Variants in TFEC observed in about 807,000 individuals in gnomAD.
The protein encoded by TFEC is class E basic helix-loop-helix protein 34.
Under a neutral mutation model 41.6 loss-of-function variants are expected in TFEC, and 31 were observed. That is an observed-to-expected ratio of 0.74 (90% CI 0.56 to 1.01). TFEC has a LOEUF of 1.01. Among genes scored for constraint, TFEC ranks in the 50% least tolerant of loss-of-function variants. The pLI is 0.00. For missense variants in TFEC, 402 were observed against 404.1 expected (o/e 0.99, Z 0.04); for synonymous variants, 143 against 140.6 (o/e 1.02, Z -0.12).
At chr7:116,020,193 TGA>T (rs773927110) in intron 1 of TFEC, among the ~76,000 whole-genome samples, 1 of 152,198 alleles carries the variant, frequency 6.6e-6, no homozygotes, top group Non-Finnish European at 1.5e-5. Flanking sequence ...TACTCACTAC[TGA>T]GTCTTTGTTC....
chr7:115,998,976 C>T (rs1419725584), intron 1 of TFEC, among the ~76,000 whole-genome samples: 1 of 151,884 alleles, frequency 6.6e-6, no homozygotes, highest in Non-Finnish European at 1.5e-5. Context: ...AACTATAAAC[C>T]AAATAAACCT....
At chr7:116,134,100 A>C (rs1219720292) in intron 1 of TFEC, among the ~76,000 whole-genome samples, 1 of 152,220 alleles carries the variant, frequency 6.6e-6, no homozygotes. Context: ...CATGCTAAGG[A>C]TGTCAACTTA....
rs533078304 is a variant in TFEC at position 116,006,345 on chromosome 7, G to A, written c.-72-21832C>T. ...GGCTACATTCTGCAAAGCAACAGGG[G>A]TGGAGCTGCCCAAGACCATGAGAAT... On this transcript the variant is annotated intron_variant, in intron 1 of 7. Coordinates refer to ENST00000265440, the MANE Select transcript of TFEC (RefSeq NM_012252.4). Among the ~76,000 whole-genome samples, 3 of 152,336 alleles carry A rather than the reference G, an allele frequency of 2.0e-5. No homozygotes were observed. The South Asian group carries it at 6.2e-4, about 32-fold the overall frequency.
chr7:115,962,612 G>A (rs953702093), intron 3 of TFEC, among the ~76,000 whole-genome samples: 1 of 151,716 alleles, frequency 6.6e-6, no homozygotes. Flanking sequence ...TTCAACAAAT[G>A]GTGTTGGAAA....
intron 3 of TFEC, among the ~76,000 whole-genome samples, chr7:116,082,621 T>G (rs1797116272): frequency 6.6e-6 from 1 of 152,006 alleles, no homozygotes; most frequent in African/African-American, 2.4e-5. Context: ...ATTTGTAGAC[T>G]CATTGATTTA....
At chr7:115,991,571 C>T (rs1048319905) in intron 1 of TFEC, among the ~76,000 whole-genome samples, 2 of 152,106 alleles carry the variant, frequency 1.3e-5, no homozygotes, top group Non-Finnish European at 2.9e-5. Flanking sequence ...GGAGGGGTTG[C>T]AATCCTAGTC....
chr7:116,030,307 C>T (rs1795746104), intron 1 of TFEC, among the ~76,000 whole-genome samples: 1 of 151,876 alleles, frequency 6.6e-6, no homozygotes, highest in Admixed American at 6.6e-5. Flanking sequence ...ATATAAGAGG[C>T]AACAAAATGT....
chr7:116,023,878 C>T (rs1165365122), intron 1 of TFEC, among the ~76,000 whole-genome samples: 1 of 152,100 alleles, frequency 6.6e-6, no homozygotes, highest in Non-Finnish European at 1.5e-5. Flanking sequence ...GACTTTTCGC[C>T]TCTCTGACCA....
upstream of TFEC, among the ~76,000 whole-genome samples, chr7:116,032,205 A>T (rs1795800845): frequency 6.6e-6 from 1 of 152,152 alleles, no homozygotes; most frequent in Non-Finnish European, 1.5e-5. Context: ...TTATTTCTTA[A>T]TGGTGGCATA....
intron 1 of TFEC, among the ~76,000 whole-genome samples, chr7:115,988,980 C>A (rs1334515245): frequency 6.6e-6 from 1 of 152,060 alleles, no homozygotes; most frequent in Non-Finnish European, 1.5e-5. Flanking sequence ...GGAAAAAACC[C>A]ACCAACCTAG....
At chr7:116,065,516 T>G (rs1320168241) in intron 3 of TFEC, among the ~76,000 whole-genome samples, 1 of 152,278 alleles carries the variant, frequency 6.6e-6, no homozygotes, top group Middle Eastern at 3.4e-3. Context: ...AGGTGATTTC[T>G]GGTCCTTTGA....
chr7:116,040,246 T>C (rs1796004164), intron 3 of TFEC, among the ~76,000 whole-genome samples: 3 of 152,174 alleles, frequency 2.0e-5, no homozygotes, highest in Admixed American at 2.0e-4. Context: ...ATGATTGCAT[T>C]GGAAGGAATA....
rs1470630664 is a variant in TFEC at position 115,952,655 on chromosome 7, A to C, written c.440-1706T>G. 2.0e-5 allele frequency among the ~76,000 whole-genome samples: 3 copies of C among 152,124 alleles called. No individual in the cohort carries two copies. The East Asian group carries it at 5.8e-4, about 29-fold the overall frequency. Reference sequence around the variant, plus strand: ...TTTAAATGGCTAATTAGAATGAGAAATCTGGCTCCCAATGGTGTTCATACC... The same window carrying C: ...TTTAAATGGCTAATTAGAATGAGAACTCTGGCTCCCAATGGTGTTCATACC... On this transcript the variant is annotated intron_variant, in intron 5 of 7. Coordinates refer to ENST00000265440, the MANE Select transcript of TFEC (RefSeq NM_012252.4).
At chr7:116,035,413 A>ATGAAC (rs1795886742), upstream of TFEC, among the ~76,000 whole-genome samples, 1 of 152,078 alleles carries the variant, frequency 6.6e-6, no homozygotes, top group Non-Finnish European at 1.5e-5. Flanking sequence ...GTGTATGTGT[A>ATGAAC]TGAACTGAGG....
intron 6 of TFEC, among the ~76,000 whole-genome samples, chr7:115,946,472 G>A: frequency 6.7e-6 from 1 of 150,004 alleles, no homozygotes; most frequent in Non-Finnish European, 1.5e-5. Context: ...CTGGAATGCA[G>A]TGGTGCGATC....
chr7:116,014,768 AG>A (rs1446723609), intron 1 of TFEC, among the ~76,000 whole-genome samples: 1 of 152,106 alleles, frequency 6.6e-6, no homozygotes, highest in African/African-American at 2.4e-5. Context: ...TATAATCTCA[AG>A]GGTTCTTATA....
chr7:115,967,807 T>A (rs1212938943), intron 3 of TFEC, among the ~76,000 whole-genome samples: 1 of 151,822 alleles, frequency 6.6e-6, no homozygotes. Context: ...CAAAGAATGA[T>A]AATTTATAAA....
chr7:116,157,364 G>T (rs879887011), intron 1 of TFEC: 5 of 150,272 alleles, frequency 3.3e-5, no homozygotes, highest in Non-Finnish European at 5.9e-5. Context: ...CATGGTCCTA[G>T]ATGTTCCAAA....
chr7:115,999,268 G>C (rs1162639135), intron 1 of TFEC, among the ~76,000 whole-genome samples: 1 of 151,750 alleles, frequency 6.6e-6, no homozygotes, highest in African/African-American at 2.4e-5. Flanking sequence ...AATTAAGAAG[G>C]AAATTTAAAA....
Sources: allele counts gnomAD v4.1 joint callset (sites outside exome capture counted in the v4.1 genomes callset), GRCh38; gene constraint gnomAD v4.1.1; transcripts MANE v1.5; gene names NCBI Gene and HGNC (gene_info 2026-07-23, HGNC 2026-07-21).